The following VWC2 variants were observed in gnomAD, a reference collection of about 807,000 sequenced individuals.
VWC2 encodes the protein von Willebrand factor C domain containing 2.
A neutral mutation model predicts 29.8 loss-of-function variants in VWC2; 14 were observed. The observed-to-expected ratio is 0.47, with a 90% CI of 0.31 to 0.74. The LOEUF is 0.74. Ranked by LOEUF, VWC2 falls within the 30% of genes least tolerant of loss-of-function variation. The pLI is 0.05. For missense variants in VWC2, 457 were observed against 459.8 expected (o/e 0.99, Z 0.05); for synonymous variants, 213 against 199.0 (o/e 1.07, Z -0.59).
chr7:49,887,270 A>T lies in VWC2; in HGVS notation c.827-24764A>T, dbSNP rs1791943505. Among the ~76,000 whole-genome samples the T allele has an allele frequency of 2.6e-5, 4 of 151,438 alleles. No homozygotes were observed. The South Asian group carries it at 6.2e-4, about 24-fold the overall frequency. On this transcript the variant is annotated intron_variant, in intron 3 of 3. Transcript: ENST00000340652. ...ATTAGTGGCTCTGTGTGTGATTCTT[A>T]GCAATTTCTCAGCAGCAATTTTGAC...
chr7:49,820,100 C>T (rs903141165), intron 3 of VWC2, among the ~76,000 whole-genome samples: 5 of 151,942 alleles, frequency 3.3e-5, no homozygotes, highest in Admixed American at 2.6e-4. Context: ...GAGAGATTGA[C>T]CCTCACAACC....
intron 3 of VWC2, among the ~76,000 whole-genome samples, chr7:49,903,556 G>A (rs1276847164): frequency 2.6e-5 from 4 of 152,170 alleles, no homozygotes; most frequent in Non-Finnish European, 5.9e-5. Context: ...TAGATATGGA[G>A]AATATTATCA....
chr7:49,866,531 C>T (rs79185835), intron 3 of VWC2, among the ~76,000 whole-genome samples: 127 of 152,250 alleles, frequency 8.3e-4, no homozygotes, highest in African/African-American at 2.9e-3. Context: ...GCAGGTCACA[C>T]GGGCAAGCCC....
At chr7:49,807,561 C>T (rs1344408655) in intron 3 of VWC2, among the ~76,000 whole-genome samples, 1 of 152,102 alleles carries the variant, frequency 6.6e-6, no homozygotes. Context: ...TGTGCTAGAC[C>T]AACTGAATAG....
chr7:49,778,837 T>G (rs999797387), intron 2 of VWC2, among the ~76,000 whole-genome samples: 5 of 152,186 alleles, frequency 3.3e-5, no homozygotes, highest in Admixed American at 3.3e-4. Context: ...ACATGGAAAA[T>G]GAAAAAGGAA....
chr7:49,885,003 T>C (rs780973142), intron 3 of VWC2, among the ~76,000 whole-genome samples: 1 of 152,082 alleles, frequency 6.6e-6, no homozygotes, highest in Non-Finnish European at 1.5e-5. Context: ...GGAAATAGGA[T>C]ATAAGTGTTG....
At chr7:49,829,572 A>T (rs1288110589) in intron 3 of VWC2, among the ~76,000 whole-genome samples, 1 of 152,238 alleles carries the variant, frequency 6.6e-6, no homozygotes, top group Non-Finnish European at 1.5e-5. Flanking sequence ...CTGCAGACTC[A>T]TTCCATGGCT....
chr7:49,819,400 T>C (rs1293584893), intron 3 of VWC2, among the ~76,000 whole-genome samples: 1 of 152,208 alleles, frequency 6.6e-6, no homozygotes, highest in African/African-American at 2.4e-5. Context: ...ATGAACTTGC[T>C]CATTTCACAC....
chr7:49,815,090 ATT>A (rs1268871615), intron 3 of VWC2, among the ~76,000 whole-genome samples: 2 of 152,156 alleles, frequency 1.3e-5, no homozygotes, highest in African/African-American at 4.8e-5. Flanking sequence ...TTTTATATAT[ATT>A]GTAGCATATA....
chr7:49,842,029 G>A (rs1489610358), intron 3 of VWC2, among the ~76,000 whole-genome samples: 1 of 152,096 alleles, frequency 6.6e-6, no homozygotes, highest in African/African-American at 2.4e-5. Flanking sequence ...ACCACGCCCA[G>A]CTAACTTTTT....
chr7:49,805,115 AT>A (rs1412040082), intron 3 of VWC2, among the ~76,000 whole-genome samples: 8 of 152,364 alleles, frequency 5.3e-5, no homozygotes, highest in Admixed American at 3.3e-4. Flanking sequence ...GAGTAAAAAA[AT>A]GTACAAAAAC....
chr7:49,861,091 A>C (rs1790634242), intron 3 of VWC2, among the ~76,000 whole-genome samples: 1 of 152,224 alleles, frequency 6.6e-6, no homozygotes, highest in Non-Finnish European at 1.5e-5. Flanking sequence ...GCACAGTTTT[A>C]CATTCCCACC....
Position 49,775,583 on chromosome 7 carries a change from CA to C in VWC2, c.149del (p.His50ProfsTer10). The C allele has an allele frequency of 6.5e-7, 1 of 1,539,138 alleles. No individual in the cohort carries two copies. The highest frequency in any genetic ancestry group is 8.7e-7 in the Non-Finnish European group (1 of 1,144,822). On this transcript the variant is annotated frameshift_variant, in exon 2 of 4. Transcript: ENST00000340652. LOFTEE classifies it high-confidence loss of function. Reference sequence around the variant, plus strand: ...GCAGCCGGGCCAGGAGAAGCGTGAGCACGCCTCTCGGGACGGCCCGGGGCGG... The same window carrying C: ...GCAGCCGGGCCAGGAGAAGCGTGAGCCGCCTCTCGGGACGGCCCGGGGCGG... ...PEQPGQEKRE[H>X]ASRDGPGRVN... is the part of the protein sequence containing the mutation.
At chr7:49,905,830 T>G (rs900577442) in intron 3 of VWC2, among the ~76,000 whole-genome samples, 1 of 152,156 alleles carries the variant, frequency 6.6e-6, no homozygotes, top group African/African-American at 2.4e-5. Context: ...CAGGCTGCAG[T>G]AAAGAAGCCG....
intron 3 of VWC2, among the ~76,000 whole-genome samples, chr7:49,850,168 C>T (rs1196499534): frequency 1.3e-5 from 2 of 152,228 alleles, no homozygotes; most frequent in African/African-American, 4.8e-5. Flanking sequence ...TTCAGGAAGA[C>T]TGAGCATAGT....
intron 3 of VWC2, among the ~76,000 whole-genome samples, chr7:49,884,025 A>C (rs1209835030): frequency 6.6e-6 from 1 of 152,176 alleles, no homozygotes; most frequent in Non-Finnish European, 1.5e-5. Context: ...GGGCCAGCCA[A>C]GGTAGGAGGC....
At chr7:49,866,216 T>C (rs911379392) in intron 3 of VWC2, among the ~76,000 whole-genome samples, 3 of 152,194 alleles carry the variant, frequency 2.0e-5, no homozygotes, top group African/African-American at 4.8e-5. Flanking sequence ...GGAGAACCAA[T>C]AGACCCTTCG....
chr7:49,813,455 T>G (rs1191149019), intron 3 of VWC2, among the ~76,000 whole-genome samples: 1 of 152,236 alleles, frequency 6.6e-6, no homozygotes, highest in Non-Finnish European at 1.5e-5. Flanking sequence ...TTGCTGCTGG[T>G]CTTCTGTTGC....
intron 3 of VWC2, among the ~76,000 whole-genome samples, chr7:49,861,504 C>T (rs764448018): frequency 1.4e-4 from 21 of 152,066 alleles, no homozygotes; most frequent in South Asian, 4.2e-4. Context: ...TAATGAAATC[C>T]AGTTCATCTA....
Sources: allele counts gnomAD v4.1 joint callset (sites outside exome capture counted in the v4.1 genomes callset), GRCh38; gene constraint gnomAD v4.1.1; transcripts MANE v1.5; gene names NCBI Gene and HGNC (gene_info 2026-07-23, HGNC 2026-07-21).